SCRN1: variants seen among roughly 807,000 people sequenced by gnomAD.
SCRN1 encodes secernin 1.
A neutral mutation model predicts 43.3 loss-of-function variants in SCRN1; 19 were observed. That is an observed-to-expected ratio of 0.44 (90% CI 0.31 to 0.64). The LOEUF (loss-of-function observed/expected upper bound fraction) is 0.64. Among genes scored for constraint, SCRN1 ranks in the 30% least tolerant of loss-of-function variants. SCRN1 has a pLI of 0.09. For missense variants in SCRN1, 447 were observed against 524.1 expected (o/e 0.85, Z 1.44); for synonymous variants, 183 against 188.9 (o/e 0.97, Z 0.26).
chr7:29,960,703 TAC>T (rs1020431308), intron 2 of SCRN1, among the ~76,000 whole-genome samples: 1 of 151,712 alleles, frequency 6.6e-6, no homozygotes, highest in South Asian at 2.1e-4. Flanking sequence ...CATGCATGCA[TAC>T]ACACACACAC....
intron 6 of SCRN1, among the ~76,000 whole-genome samples, chr7:29,929,067 C>T (rs908678273): frequency 6.6e-6 from 1 of 152,162 alleles, no homozygotes; most frequent in Non-Finnish European, 1.5e-5. Context: ...TACAGACAGG[C>T]GTCCTACCCT....
At chr7:29,931,012 C>T (rs1395735467) in intron 6 of SCRN1, among the ~76,000 whole-genome samples, 2 of 152,184 alleles carry the variant, frequency 1.3e-5, no homozygotes, top group Non-Finnish European at 2.9e-5. Flanking sequence ...CGACGCACAG[C>T]GTGGGCATCC....
At chr7:29,936,513 G>C in intron 6 of SCRN1, 43 bp downstream of exon 6, 1 of 1,455,204 alleles carries the variant, frequency 6.9e-7, no homozygotes, top group African/African-American at 1.4e-5. Context: ...GCTTTCAAGG[G>C]AAGCACTTAT....
chr7:29,954,837 C>T (rs542759095), intron 3 of SCRN1, among the ~76,000 whole-genome samples: 26 of 152,246 alleles, frequency 1.7e-4, no homozygotes, highest in African/African-American at 3.9e-4. Context: ...CCTAGCACCA[C>T]GTTCGGCTAA....
At chr7:29,960,312 A>C (rs1295591052) in intron 2 of SCRN1, among the ~76,000 whole-genome samples, 1 of 152,180 alleles carries the variant, frequency 6.6e-6, no homozygotes, top group Non-Finnish European at 1.5e-5. Context: ...GCCTCCCCCA[A>C]ATCATGAAAG....
intron 2 of SCRN1, among the ~76,000 whole-genome samples, chr7:29,966,017 G>C (rs1788475502): frequency 1.3e-5 from 2 of 152,012 alleles, no homozygotes; most frequent in African/African-American, 4.8e-5. Flanking sequence ...TCATGGATTT[G>C]AACAGCAAAC....
At chr7:29,976,192 T>C (rs889166538) in intron 1 of SCRN1, among the ~76,000 whole-genome samples, 1 of 152,214 alleles carries the variant, frequency 6.6e-6, no homozygotes, top group Non-Finnish European at 1.5e-5. Context: ...TCTGAGATGA[T>C]AGAAATAGTC....
chr7:29,948,972 C>G (rs766977268), intron 3 of SCRN1, among the ~76,000 whole-genome samples: 4 of 152,162 alleles, frequency 2.6e-5, no homozygotes, highest in Non-Finnish European at 5.9e-5. Context: ...TAGTTCTCAT[C>G]CATGTTGAGG....
intron 2 of SCRN1, among the ~76,000 whole-genome samples, chr7:29,960,467 A>G (rs1476715923): frequency 6.6e-6 from 1 of 152,204 alleles, no homozygotes; most frequent in Non-Finnish European, 1.5e-5. Flanking sequence ...ATTTATTACC[A>G]AAGAAAGACT....
chr7:29,983,372 C>T (rs895196039), intron 1 of SCRN1, among the ~76,000 whole-genome samples: 1 of 150,958 alleles, frequency 6.6e-6, no homozygotes, highest in African/African-American at 2.4e-5. Context: ...TTGGTGGGTG[C>T]AGCGCACCGG....
At chr7:29,980,881 G>C (rs981313001) in intron 1 of SCRN1, among the ~76,000 whole-genome samples, 3 of 152,068 alleles carry the variant, frequency 2.0e-5, no homozygotes, top group Non-Finnish European at 4.4e-5. Flanking sequence ...GTAAATATAA[G>C]TATAGGTAGG....
At position 29,922,424 on chromosome 7, in the gene SCRN1, T is replaced by C. The variant is rs1018913628; in HGVS notation, c.*1533A>G. The C allele has an allele frequency of 6.6e-6, 1 of 152,224 alleles. No homozygotes were observed. The highest frequency in any genetic ancestry group is 6.5e-5 in the Admixed American group (1 of 15,282). 9.4% of individuals were successfully genotyped at this position (152,224 alleles called of 1,614,324 possible). A position where few individuals can be genotyped will look rare whatever the true frequency, so the allele number is the denominator to read the frequency against. ...GATACAGCTTCTGGGAAGGAGTTAT[T>C]AACCCTGTCACTTCCCAGATTGCTG... On this transcript the variant is annotated 3_prime_UTR_variant, in exon 8 of 8. Coordinates refer to ENST00000242059, the MANE Select transcript of SCRN1 (RefSeq NM_014766.5).
intron 2 of SCRN1, among the ~76,000 whole-genome samples, chr7:29,956,389 C>T (rs1236039773): frequency 6.6e-6 from 1 of 152,204 alleles, no homozygotes; most frequent in African/African-American, 2.4e-5. Context: ...GTGGTGGACG[C>T]TGTATTGAAT....
At chr7:29,954,766 C>T (rs1384733528) in intron 3 of SCRN1, among the ~76,000 whole-genome samples, 2 of 152,148 alleles carry the variant, frequency 1.3e-5, no homozygotes, top group African/African-American at 4.8e-5. Context: ...CTGCAACCTC[C>T]GTCTTCCAGG....
upstream of SCRN1, chr7:29,990,094 C>T: frequency 1.3e-6 from 2 of 1,545,570 alleles, no homozygotes; most frequent in African/African-American, 2.7e-5. Flanking sequence ...GCCCAGCATC[C>T]TTTTGGCGCC....
chr7:29,968,887 G>GA (rs1788579432), intron 2 of SCRN1, 22 bp downstream of exon 2: 2 of 1,613,288 alleles, frequency 1.2e-6, no homozygotes, highest in Non-Finnish European at 1.7e-6. Context: ...TGTGACTCGC[G>GA]AGACTGCAAT....
At chr7:29,944,789 C>T (rs1787678734) in intron 3 of SCRN1, among the ~76,000 whole-genome samples, 1 of 152,092 alleles carries the variant, frequency 6.6e-6, no homozygotes. Flanking sequence ...TGGAAGGCAC[C>T]TGTGTGTCTT....
At chr7:29,962,433 T>C (rs1452361084) in intron 2 of SCRN1, among the ~76,000 whole-genome samples, 1 of 151,984 alleles carries the variant, frequency 6.6e-6, no homozygotes, top group Non-Finnish European at 1.5e-5. Context: ...ACGCCTGTAA[T>C]CCCAACACTT....
At chr7:29,963,684 T>C (rs7357118) in intron 2 of SCRN1, among the ~76,000 whole-genome samples, 8,985 of 152,290 alleles carry the variant, frequency 0.059, 357 homozygotes, top group Middle Eastern at 0.078. Flanking sequence ...AAATGACTTA[T>C]GTACAAGGTT....
Sources: allele counts gnomAD v4.1 joint callset (sites outside exome capture counted in the v4.1 genomes callset), GRCh38; gene constraint gnomAD v4.1.1; transcripts MANE v1.5; gene names NCBI Gene and HGNC (gene_info 2026-07-23, HGNC 2026-07-21).